Variants in PDCD1LG2 observed in about 807,000 individuals in gnomAD.
The protein encoded by PDCD1LG2 is B7 dendritic cell molecule.
A neutral mutation model predicts 28.2 loss-of-function variants in PDCD1LG2; 32 were observed. That is an observed-to-expected ratio of 1.13 (90% CI 0.86 to 1.52). The LOEUF is 1.52. PDCD1LG2 is among the 40% of genes most tolerant of loss of function. PDCD1LG2 has a pLI of 0.00. For synonymous variants in PDCD1LG2, 116 were observed against 120.2 expected (o/e 0.97, Z 0.23); for missense variants, 385 against 323.8 (o/e 1.19, Z -1.45).
intron 4 of PDCD1LG2, among the ~76,000 whole-genome samples, chr9:5,551,549 C>T (rs1469050827): frequency 2.0e-5 from 3 of 152,216 alleles, no homozygotes; most frequent in Non-Finnish European, 4.4e-5. Flanking sequence ...AGGACTTGTT[C>T]ATCTGCTTCA....
chr9:5,512,139 T>C lies in PDCD1LG2; in HGVS notation c.-15+1336T>C, dbSNP rs1418569120. On this transcript the variant is annotated intron_variant, in intron 1 of 6. Transcript: ENST00000397747. ...ACATTGGACAGCAACCAGTAGATTG[T>C]TGTGTGTCATTTTAATTCCACATGC... Among the ~76,000 whole-genome samples, 3 of 152,344 alleles carry C rather than the reference T, an allele frequency of 2.0e-5. No individual in the cohort carries two copies. In the East Asian group the frequency reaches 5.8e-4, roughly 29 times the overall value.
intron 1 of PDCD1LG2, among the ~76,000 whole-genome samples, chr9:5,517,271 T>C (rs1820185640): frequency 6.6e-6 from 1 of 152,238 alleles, no homozygotes; most frequent in South Asian, 2.1e-4. Context: ...GAGGGACATG[T>C]ACACTGGCAG....
chr9:5,533,505 T>C (rs929883119), intron 2 of PDCD1LG2, among the ~76,000 whole-genome samples: 4 of 152,224 alleles, frequency 2.6e-5, no homozygotes, highest in African/African-American at 9.6e-5. Flanking sequence ...GATACTGTTA[T>C]CTACCCGGAA....
intron 5 of PDCD1LG2, among the ~76,000 whole-genome samples, chr9:5,559,167 C>G (rs1221745190): frequency 6.6e-6 from 1 of 152,234 alleles, no homozygotes; most frequent in Non-Finnish European, 1.5e-5. Context: ...CTCTCCTCAT[C>G]CTTCACCCCA....
At chr9:5,519,168 T>C (rs1182967325) in intron 1 of PDCD1LG2, among the ~76,000 whole-genome samples, 1 of 152,084 alleles carries the variant, frequency 6.6e-6, no homozygotes, top group African/African-American at 2.4e-5. Flanking sequence ...TAGGATTAGC[T>C]GATATAAATA....
chr9:5,557,498 G>T lies in PDCD1LG2; in HGVS notation c.632-120G>T, dbSNP rs541167208. The T allele has an allele frequency of 1.7e-5, 19 of 1,134,380 alleles. No individual in the cohort carries two copies. The African/African-American group carries it at 2.5e-4, about 15-fold the overall frequency. 70.3% of individuals were successfully genotyped at this position (1,134,380 alleles called of 1,614,324 possible). A position where few individuals can be genotyped will look rare whatever the true frequency, so the allele number is the denominator to read the frequency against. ...TGCAGAGCACTTAGAATAGGGCCTG[G>T]TGTGGAGTAAATGCTCCACAGAGCT... On this transcript the variant is annotated intron_variant, in intron 4 of 6. Transcript: ENST00000397747.
In PDCD1LG2 at chr9:5,557,602, C is replaced by T. The variant is rs1200824154; in HGVS notation, c.632-16C>T. 1 of 1,613,710 alleles carries T rather than the reference C, an allele frequency of 6.2e-7. No individual in the cohort carries two copies. Among genetic ancestry groups the T allele is most frequent in the South Asian group, 1.1e-5 (1 of 91,060 alleles). ...GTTGCCATGTAACAGGATTCTGGTG[C>T]TTTTCCTTTGCCCAGGTCAGATGGA... is the stretch of plus-strand genomic sequence containing the variant. On this transcript the variant is annotated splice_polypyrimidine_tract_variant and intron_variant, in intron 4 of 6. Transcript: ENST00000397747.
chr9:5,563,297 C>A, intron 6 of PDCD1LG2, 86 bp downstream of exon 6: 1 of 1,150,694 alleles, frequency 8.7e-7, no homozygotes, highest in Non-Finnish European at 1.3e-6. Flanking sequence ...TCTATTAATT[C>A]ATGGAAGGCA....
intron 5 of PDCD1LG2, among the ~76,000 whole-genome samples, chr9:5,558,779 C>T (rs890569866): frequency 6.6e-6 from 1 of 150,890 alleles, no homozygotes; most frequent in Admixed American, 6.6e-5. Flanking sequence ...GGAATTGTTG[C>T]CAAAAGAAAA....
chr9:5,545,372 G>A (rs1346423901), intron 3 of PDCD1LG2, among the ~76,000 whole-genome samples: 1 of 152,204 alleles, frequency 6.6e-6, no homozygotes, highest in East Asian at 1.9e-4. Context: ...GCACAATTTT[G>A]CTTGGCATGA....
intron 3 of PDCD1LG2, among the ~76,000 whole-genome samples, chr9:5,536,020 A>G (rs1820573905): frequency 6.6e-6 from 1 of 152,202 alleles, no homozygotes; most frequent in African/African-American, 2.4e-5. Context: ...TGGACCTCAG[A>G]TGGTCTGTAC....
chr9:5,560,781 T>C (rs530443499), intron 5 of PDCD1LG2, among the ~76,000 whole-genome samples: 3 of 152,144 alleles, frequency 2.0e-5, no homozygotes, highest in Non-Finnish European at 2.9e-5. Context: ...CCTGAACAGA[T>C]TTACCCACCT....
intron 6 of PDCD1LG2, among the ~76,000 whole-genome samples, chr9:5,567,090 A>T (rs1014518289): frequency 1.3e-5 from 2 of 152,200 alleles, no homozygotes; most frequent in African/African-American, 4.8e-5. Flanking sequence ...TTCTGAAGCC[A>T]TTTCAACCAT....
chr9:5,535,985 T>C (rs548813444), intron 3 of PDCD1LG2, among the ~76,000 whole-genome samples: 28 of 152,356 alleles, frequency 1.8e-4, no homozygotes, highest in African/African-American at 5.3e-4. Context: ...CCAATATTTC[T>C]CTGGCCTCTT....
intron 2 of PDCD1LG2, among the ~76,000 whole-genome samples, chr9:5,525,781 G>A (rs370519545): frequency 4.6e-5 from 7 of 152,250 alleles, no homozygotes; most frequent in South Asian, 2.1e-4. Context: ...GGGCATGGTG[G>A]CTCACGCCTG....
chr9:5,528,485 T>G (rs1382663256), intron 2 of PDCD1LG2, among the ~76,000 whole-genome samples: 2 of 151,266 alleles, frequency 1.3e-5, no homozygotes, highest in East Asian at 3.9e-4. Flanking sequence ...TTTTTAATTT[T>G]GTAGACATGG....
At chr9:5,522,453 C>A in intron 1 of PDCD1LG2, 80 bp from the exon 2 acceptor site, 1 of 1,065,308 alleles carries the variant, frequency 9.4e-7, no homozygotes, top group Non-Finnish European at 1.4e-6. Context: ...TTGTTATTCC[C>A]CTGTTTTCAA....
At chr9:5,560,469 C>T (rs112911900) in intron 5 of PDCD1LG2, among the ~76,000 whole-genome samples, 3,103 of 152,318 alleles carry the variant, frequency 0.02, 106 homozygotes, top group African/African-American at 0.07. Flanking sequence ...CCGATCCCCA[C>T]ACAGACCACA....
intron 1 of PDCD1LG2, among the ~76,000 whole-genome samples, chr9:5,519,812 C>T (rs1421283323): frequency 6.6e-6 from 1 of 152,188 alleles, no homozygotes; most frequent in African/African-American, 2.4e-5. Flanking sequence ...TAATAAACAG[C>T]ATCTCCATTG....
Sources: allele counts gnomAD v4.1 joint callset (sites outside exome capture counted in the v4.1 genomes callset), GRCh38; gene constraint gnomAD v4.1.1; transcripts MANE v1.5; gene names NCBI Gene and HGNC (gene_info 2026-07-23, HGNC 2026-07-21).